Variants in GHR observed in about 807,000 individuals in gnomAD.
GHR encodes the protein GH receptor.
Under a neutral mutation model 67.1 loss-of-function variants are expected in GHR, and 35 were observed. That is an observed-to-expected ratio of 0.52 (90% CI 0.40 to 0.69). The LOEUF (loss-of-function observed/expected upper bound fraction) is 0.69. Among genes scored for constraint, GHR ranks in the 30% least tolerant of loss-of-function variants. The pLI, the probability that GHR is intolerant of heterozygous loss-of-function variation, is 0.00. For missense variants in GHR, 792 were observed against 764.6 expected (o/e 1.04, Z -0.42); for synonymous variants, 272 against 269.1 (o/e 1.01, Z -0.10).
intron 1 of GHR, among the ~76,000 whole-genome samples, chr5:42,483,869 A>C (rs1407876714): frequency 6.6e-6 from 1 of 152,228 alleles, no homozygotes; most frequent in Non-Finnish European, 1.5e-5. Flanking sequence ...AACCTTCACA[A>C]GGTTTGAAAA....
At chr5:42,575,248 T>C (rs1416322782) in intron 2 of GHR, among the ~76,000 whole-genome samples, 1 of 152,194 alleles carries the variant, frequency 6.6e-6, no homozygotes, top group East Asian at 1.9e-4. Flanking sequence ...TCTTCTCTGC[T>C]GTGGTCAGGA....
At chr5:42,620,471 A>G (rs1279172295) in intron 2 of GHR, among the ~76,000 whole-genome samples, 2 of 152,174 alleles carry the variant, frequency 1.3e-5, no homozygotes, top group African/African-American at 4.8e-5. Flanking sequence ...AACATATCAG[A>G]CATGGAATAA....
intron 3 of GHR, among the ~76,000 whole-genome samples, chr5:42,643,112 C>T (rs1228614701): frequency 6.6e-6 from 1 of 152,122 alleles, no homozygotes; most frequent in Non-Finnish European, 1.5e-5. Context: ...TTGGAGGATA[C>T]AGTTCAACCC....
chr5:42,468,230 G>C, intron 1 of GHR: 1 of 1,528,368 alleles, frequency 6.5e-7, no homozygotes, highest in Non-Finnish European at 9.1e-7. Context: ...CTGGATGCCT[G>C]ATCTGGGAAG....
intron 1 of GHR, among the ~76,000 whole-genome samples, chr5:42,449,688 G>A (rs1743964986): frequency 6.6e-6 from 1 of 152,146 alleles, no homozygotes. Context: ...TAGAAGTGGT[G>A]ACAGTGGGCA....
At chr5:42,705,916 G>C (rs965063853) in intron 6 of GHR, among the ~76,000 whole-genome samples, 1 of 152,060 alleles carries the variant, frequency 6.6e-6, no homozygotes, top group African/African-American at 2.4e-5. Flanking sequence ...ACCCAATAAC[G>C]GGACTGCTGG....
chr5:42,443,225 T>C (rs894393758), intron 1 of GHR, among the ~76,000 whole-genome samples: 2 of 152,190 alleles, frequency 1.3e-5, no homozygotes, highest in African/African-American at 4.8e-5. Flanking sequence ...TTGAGCCTAG[T>C]TGAAATTTGT....
At chr5:42,686,228 G>T (rs1340629312) in intron 3 of GHR, among the ~76,000 whole-genome samples, 1 of 152,092 alleles carries the variant, frequency 6.6e-6, no homozygotes, top group Non-Finnish European at 1.5e-5. Flanking sequence ...TTTTTGTCAG[G>T]TTTGTCAAAG....
chr5:42,488,812 G>A (rs1745990643), intron 1 of GHR, among the ~76,000 whole-genome samples: 1 of 152,092 alleles, frequency 6.6e-6, no homozygotes, highest in Admixed American at 6.5e-5. Context: ...CTAACATATG[G>A]GTAGTGCTCA....
At chr5:42,615,333 G>A (rs973664176) in intron 2 of GHR, among the ~76,000 whole-genome samples, 1 of 151,892 alleles carries the variant, frequency 6.6e-6, no homozygotes, top group Admixed American at 6.6e-5. Context: ...TCACTCTTGG[G>A]CATCAGTTAG....
intron 2 of GHR, among the ~76,000 whole-genome samples, chr5:42,578,379 T>C (rs1471773633): frequency 6.6e-6 from 1 of 152,202 alleles, no homozygotes; most frequent in African/African-American, 2.4e-5. Context: ...ACACCTCTTC[T>C]TTTCATTTGT....
At chr5:42,510,486 C>T (rs990619767) in intron 1 of GHR, among the ~76,000 whole-genome samples, 5 of 152,150 alleles carry the variant, frequency 3.3e-5, no homozygotes, top group African/African-American at 1.2e-4. Context: ...TTTATGTGTT[C>T]TGTAAAACTT....
At chr5:42,696,388 T>C (rs1266824538) in intron 5 of GHR, among the ~76,000 whole-genome samples, 2 of 152,172 alleles carry the variant, frequency 1.3e-5, no homozygotes, top group Non-Finnish European at 2.9e-5. Context: ...GCCTGAGGGA[T>C]GAGGAAGGGC....
intron 3 of GHR, among the ~76,000 whole-genome samples, chr5:42,674,799 T>C (rs1213012784): frequency 6.6e-6 from 1 of 152,208 alleles, no homozygotes; most frequent in African/African-American, 2.4e-5. Context: ...TAAATAATGC[T>C]GTTATGAGCA....
chr5:42,603,906 G>A (rs1752498877), intron 2 of GHR, among the ~76,000 whole-genome samples: 1 of 152,050 alleles, frequency 6.6e-6, no homozygotes, highest in Admixed American at 6.6e-5. Context: ...GCAAACCCCA[G>A]GTTATTTTGC....
rs1341622807 is a variant in GHR at position 42,491,224 on chromosome 5, C to T, written c.-12+67269C>T. Reference sequence around the variant, plus strand: ...ATCCTGAACTTGCTTTCTTCTGCCTCTTGGCCCTCTTCCTCTGTAGAGGTA... The same window carrying T: ...ATCCTGAACTTGCTTTCTTCTGCCTTTTGGCCCTCTTCCTCTGTAGAGGTA... On this transcript the variant is annotated intron_variant, in intron 1 of 9. Transcript: ENST00000230882. 2.0e-5 allele frequency among the ~76,000 whole-genome samples: 3 copies of T among 152,324 alleles called. No individual in the cohort carries two copies. The East Asian group carries it at 5.8e-4, about 29-fold the overall frequency.
chr5:42,454,481 G>C (rs530402394), intron 1 of GHR, among the ~76,000 whole-genome samples: 2 of 152,194 alleles, frequency 1.3e-5, no homozygotes, highest in Admixed American at 6.5e-5. Flanking sequence ...ACCATCAAGT[G>C]GGGGCAGGAT....
intron 1 of GHR, among the ~76,000 whole-genome samples, chr5:42,431,748 T>C (rs992151820): frequency 2.0e-5 from 3 of 152,334 alleles, no homozygotes; most frequent in African/African-American, 7.2e-5. Flanking sequence ...GATAAATCTA[T>C]CTCCAGCTGG....
chr5:42,440,812 T>A (rs1743532902), intron 1 of GHR, among the ~76,000 whole-genome samples: 2 of 152,210 alleles, frequency 1.3e-5, no homozygotes, highest in Non-Finnish European at 2.9e-5. Context: ...TAAAGTTGAC[T>A]GTACTTAGTG....
Sources: gnomAD v4.1 joint callset for allele counts (sites outside exome capture counted in the v4.1 genomes callset) on GRCh38, gnomAD v4.1.1 for gene constraint, MANE v1.5 for transcripts, NCBI Gene and HGNC (gene_info 2026-07-23, HGNC 2026-07-21) for gene names.